The following HCN1 variants were observed in gnomAD, a reference collection of about 807,000 sequenced individuals.
HCN1 encodes potassium/sodium hyperpolarization-activated cyclic nucleotide-gated channel 1.
Under a neutral mutation model 78.9 loss-of-function variants are expected in HCN1, and 13 were observed. That is an observed-to-expected ratio of 0.16 (90% CI 0.11 to 0.26). The LOEUF (loss-of-function observed/expected upper bound fraction) is 0.26, where lower values mean the gene tolerates loss of function less well. HCN1 is among the 10% of genes least tolerant of loss of function. HCN1 has a pLI of 1.00. For synonymous variants in HCN1, 552 were observed against 455.5 expected, an observed-to-expected ratio of 1.21 and a Z score of -2.70; for missense variants, 810 against 1,154.3, an observed-to-expected ratio of 0.70 and a Z score of 4.32.
At chr5:45,292,906 C>A (rs186578247) in intron 6 of HCN1, among the ~76,000 whole-genome samples, 1 of 152,036 alleles carries the variant, frequency 6.6e-6, no homozygotes, top group East Asian at 1.9e-4. Context: ...TTGAAGAAAT[C>A]ATAGTGTTTA....
intron 1 of HCN1, among the ~76,000 whole-genome samples, chr5:45,648,747 AT>A (rs1745621375): frequency 6.6e-6 from 1 of 151,908 alleles, no homozygotes; most frequent in Admixed American, 6.6e-5. Flanking sequence ...TGTCTTGCAC[AT>A]TTTATTACCA....
At chr5:45,295,704 T>C (rs1219433823) in intron 6 of HCN1, among the ~76,000 whole-genome samples, 1 of 152,028 alleles carries the variant, frequency 6.6e-6, no homozygotes, top group African/African-American at 2.4e-5. Context: ...TTTGGTGAAC[T>C]GATTATGTTT....
intron 5 of HCN1, among the ~76,000 whole-genome samples, chr5:45,321,772 C>T (rs1746131667): frequency 6.6e-6 from 1 of 151,684 alleles, no homozygotes; most frequent in African/African-American, 2.4e-5. Flanking sequence ...ATACATGGTT[C>T]TAGTTAAGGT....
intron 2 of HCN1, among the ~76,000 whole-genome samples, chr5:45,515,625 T>C (rs909034755): frequency 6.6e-6 from 1 of 151,974 alleles, no homozygotes; most frequent in African/African-American, 2.4e-5. Flanking sequence ...TACAAATAAA[T>C]AGAGTATTCC....
rs1247146887 is a variant in HCN1, at chr5:45,324,835, A to C, written c.1378-20996T>G. Among the ~76,000 whole-genome samples the C allele has an allele frequency of 2.6e-5, 4 of 151,820 alleles. No homozygotes were observed. The Admixed American group carries it at 2.6e-4, about 10-fold the overall frequency. On this transcript the variant is annotated intron_variant, in intron 5 of 7. Transcript: ENST00000303230. The stretch of plus-strand genomic sequence containing the variant: ...CTGACTACACGAAATTTGTGAAAAA[A>C]AATTTTTTAAAGTTAAAATAAGAAT...
chr5:45,423,333 T>C (rs145393999), intron 3 of HCN1, among the ~76,000 whole-genome samples: 1 of 152,282 alleles, frequency 6.6e-6, no homozygotes, highest in East Asian at 1.9e-4. Context: ...CACAAAAATC[T>C]CCTAAATCCA....
rs537358984 is a variant in HCN1 at position 45,316,715 on chromosome 5, G to T, written c.1378-12876C>A. Among the ~76,000 whole-genome samples, 3 of 152,256 alleles carry T rather than the reference G, an allele frequency of 2.0e-5. No individual in the cohort carries two copies. The South Asian group carries it at 6.2e-4, about 32-fold the overall frequency. ...TAAGCTGATAAGCAACTTCAGCAAA[G>T]TCTCAGGATGCAAAATCAATGTGCA... is the stretch of plus-strand genomic sequence containing the variant. On this transcript the variant is annotated intron_variant, in intron 5 of 7. Transcript: ENST00000303230.
intron 2 of HCN1, among the ~76,000 whole-genome samples, chr5:45,625,760 C>G (rs1745152360): frequency 6.6e-6 from 1 of 151,760 alleles, no homozygotes; most frequent in East Asian, 1.9e-4. Flanking sequence ...ATGAGCTAAG[C>G]TTTGGCATAG....
chr5:45,493,429 A>T (rs1388871305), intron 2 of HCN1, among the ~76,000 whole-genome samples: 3 of 152,092 alleles, frequency 2.0e-5, no homozygotes, highest in Non-Finnish European at 4.4e-5. Flanking sequence ...ATAGTTTTAT[A>T]TATTCCTTTT....
chr5:45,265,138 C>T (rs1028019898), intron 7 of HCN1, among the ~76,000 whole-genome samples: 2 of 149,770 alleles, frequency 1.3e-5, no homozygotes, highest in African/African-American at 2.5e-5. Flanking sequence ...TGCAGTGAGC[C>T]GAGATCACAC....
intron 3 of HCN1, among the ~76,000 whole-genome samples, chr5:45,435,675 G>C (rs1444588003): frequency 6.6e-6 from 1 of 152,000 alleles, no homozygotes; most frequent in Non-Finnish European, 1.5e-5. Flanking sequence ...TATCAATAAA[G>C]AGAAGAAGAA....
intron 2 of HCN1, among the ~76,000 whole-genome samples, chr5:45,603,729 A>G (rs1000133087): frequency 6.6e-6 from 1 of 152,118 alleles, no homozygotes; most frequent in Admixed American, 6.6e-5. Flanking sequence ...AGAATAGCAT[A>G]ACACAAAATG....
At chr5:45,438,599 AAAAC>A (rs1740611020) in intron 3 of HCN1, among the ~76,000 whole-genome samples, 1 of 151,912 alleles carries the variant, frequency 6.6e-6, no homozygotes, top group Non-Finnish European at 1.5e-5. Flanking sequence ...CAAAAAAAAA[AAAAC>A]AAAACAAACA....
In HCN1 at chr5:45,390,117, T is replaced by A. The variant is rs148511488; in HGVS notation, c.1230+6375A>T. ...CAGAAATTCTCTCAGAATTTGGACA[T>A]TTTTCTGAGACATTTCTCTCATGGT... On this transcript the variant is annotated intron_variant, in intron 4 of 7. Transcript: ENST00000303230. 6.3e-4 allele frequency among the ~76,000 whole-genome samples: 96 copies of A among 152,272 alleles called. 1 individual carries two copies. In the East Asian group the frequency reaches 0.011, roughly 17 times the overall value.
Position 45,347,645 on chromosome 5 carries a change from A to T in HCN1, c.1377+5455T>A, listed in dbSNP as rs542952928. 7.2e-5 allele frequency among the ~76,000 whole-genome samples: 11 copies of T among 152,328 alleles called. No individual in the cohort carries two copies. The South Asian group carries it at 2.3e-3, about 32-fold the overall frequency. The stretch of plus-strand genomic sequence containing the variant: ...AAATTTAGACGAATGTATAACTAGA[A>T]TAACCAATATAGAGAAGTGCTTAAA... On this transcript the variant is annotated intron_variant, in intron 5 of 7. Transcript: ENST00000303230.
chr5:45,601,100 G>C (rs943101139), intron 2 of HCN1, among the ~76,000 whole-genome samples: 2 of 152,048 alleles, frequency 1.3e-5, no homozygotes, highest in African/African-American at 4.8e-5. Context: ...AGCTGAAAAT[G>C]GAAAATGCTT....
At chr5:45,314,694 G>A (rs939810090) in intron 5 of HCN1, among the ~76,000 whole-genome samples, 2 of 152,010 alleles carry the variant, frequency 1.3e-5, no homozygotes, top group African/African-American at 4.8e-5. Context: ...AGACACACAG[G>A]CTCAAAATAA....
At chr5:45,648,872 C>A (rs1745623504) in intron 1 of HCN1, among the ~76,000 whole-genome samples, 1 of 151,764 alleles carries the variant, frequency 6.6e-6, no homozygotes, top group African/African-American at 2.4e-5. Flanking sequence ...TAATCAAGTC[C>A]CACCACTCCC....
At chr5:45,348,591 G>C (rs1407835458) in intron 5 of HCN1, among the ~76,000 whole-genome samples, 1 of 152,134 alleles carries the variant, frequency 6.6e-6, no homozygotes, top group African/African-American at 2.4e-5. Context: ...AAAGAGTCAA[G>C]ACCCATCAGT....
Sources: gnomAD v4.1 joint callset for allele counts (sites outside exome capture counted in the v4.1 genomes callset) on GRCh38, gnomAD v4.1.1 for gene constraint, MANE v1.5 for transcripts, NCBI Gene and HGNC (gene_info 2026-07-23, HGNC 2026-07-21) for gene names.